The following EPC2 variants were observed in gnomAD, a reference collection of about 807,000 sequenced individuals.
The protein encoded by EPC2 is enhancer of polycomb homolog 2.
In EPC2, 14 loss-of-function variants were observed where a neutral mutation model predicts 92.1. That is an observed-to-expected ratio of 0.15 (90% confidence interval 0.10 to 0.24). The LOEUF (loss-of-function observed/expected upper bound fraction) is 0.24. EPC2 is among the 10% of genes least tolerant of loss of function. EPC2 has a pLI of 1.00. For missense variants in EPC2, 755 were observed against 971.5 expected (o/e 0.78, Z 2.96); for synonymous variants, 340 against 334.7 (o/e 1.02, Z -0.17).
intron 13 of EPC2, 92 bp downstream of exon 13, chr2:148,785,093 G>A (rs1683839237): frequency 1.9e-6 from 2 of 1,032,228 alleles, no homozygotes; most frequent in Non-Finnish European, 2.7e-6. Flanking sequence ...CAAGCAATAG[G>A]TGTTTATTGA....
intron 2 of EPC2, among the ~76,000 whole-genome samples, chr2:148,702,795 T>C (rs1558814188): frequency 6.6e-6 from 1 of 152,002 alleles, no homozygotes; most frequent in South Asian, 2.1e-4. Flanking sequence ...TCCAACCCAA[T>C]TCGTAAACTT....
At chr2:148,664,550 G>A (rs564785696) in intron 1 of EPC2, among the ~76,000 whole-genome samples, 2 of 152,204 alleles carry the variant, frequency 1.3e-5, no homozygotes, top group Non-Finnish European at 2.9e-5. Flanking sequence ...CAGACTGCAC[G>A]TATTTCAAGT....
chr2:148,779,555 C>A (rs1683708911), intron 10 of EPC2, among the ~76,000 whole-genome samples: 1 of 152,098 alleles, frequency 6.6e-6, no homozygotes, highest in African/African-American at 2.4e-5. Context: ...TGCCCTCTAG[C>A]CTGGGCAATA....
intron 2 of EPC2, among the ~76,000 whole-genome samples, chr2:148,723,651 T>C (rs1436704448): frequency 6.6e-6 from 1 of 152,240 alleles, no homozygotes; most frequent in Non-Finnish European, 1.5e-5. Context: ...ACTTCTAAGT[T>C]TCTTCTAAGT....
chr2:148,769,078 A>T, intron 7 of EPC2, 73 bp from the exon 8 acceptor site: 2 of 968,992 alleles, frequency 2.1e-6, no homozygotes, highest in Admixed American at 4.0e-5. Flanking sequence ...GATCAGATTT[A>T]CATTTTAGAG....
chr2:148,785,969 A>G (rs1397972180), intron 13 of EPC2, among the ~76,000 whole-genome samples: 1 of 152,036 alleles, frequency 6.6e-6, no homozygotes, highest in Non-Finnish European at 1.5e-5. Flanking sequence ...TGAGTGTCAT[A>G]TGCTTCATCT....
At chr2:148,749,527 G>A (rs969760745) in intron 3 of EPC2, among the ~76,000 whole-genome samples, 8 of 149,086 alleles carry the variant, frequency 5.4e-5, no homozygotes, top group Non-Finnish European at 1.2e-4. Context: ...ACTTGATACT[G>A]CATTATTGAT....
intron 2 of EPC2, among the ~76,000 whole-genome samples, chr2:148,734,947 C>A (rs1348688570): frequency 3.3e-5 from 5 of 150,560 alleles, no homozygotes; most frequent in African/African-American, 1.2e-4. Context: ...TGAATTGTTT[C>A]TAATTTTTGG....
Position 148,647,619 on chromosome 2 carries a change from C to CT in EPC2, c.153+2476dup, listed in dbSNP as rs55731814. On this transcript the variant is annotated intron_variant, in intron 1 of 13. Coordinates refer to ENST00000258484, the MANE Select transcript of EPC2 (RefSeq NM_015630.4). The stretch of plus-strand genomic sequence containing the variant: ...ACTGCGCCTGGCCGCGCCTTGCAGA[C>CT]TTTTTTTTTTTTTTTTTTTTTTTTT... 6.9e-3 allele frequency among the ~76,000 whole-genome samples: 437 copies of CT among 63,742 alleles called. 4 individuals are homozygous for CT. Among genetic ancestry groups the CT allele is most frequent in the African/African-American group, 0.023 (367 of 15,726 alleles). 41.8% of individuals were successfully genotyped at this position (63,742 alleles called of 152,430 possible).
chr2:148,748,040 C>G (rs970064298), intron 3 of EPC2, among the ~76,000 whole-genome samples: 1 of 152,048 alleles, frequency 6.6e-6, no homozygotes, highest in Non-Finnish European at 1.5e-5. Flanking sequence ...ATGATTGGAT[C>G]GTGAGAGTGG....
At chr2:148,778,958 A>G (rs985792295) in intron 10 of EPC2, among the ~76,000 whole-genome samples, 11 of 152,230 alleles carry the variant, frequency 7.2e-5, no homozygotes, top group African/African-American at 2.7e-4. Context: ...TGGGATCAGA[A>G]ATGAGAATTT....
At chr2:148,663,671 T>C (rs1034999981) in intron 1 of EPC2, among the ~76,000 whole-genome samples, 8 of 146,200 alleles carry the variant, frequency 5.5e-5, no homozygotes, top group African/African-American at 1.5e-4. Flanking sequence ...GGCTTTCTTA[T>C]TCACTCTATA....
At chr2:148,670,328 C>T (rs891852820) in intron 1 of EPC2, among the ~76,000 whole-genome samples, 3 of 151,462 alleles carry the variant, frequency 2.0e-5, no homozygotes, top group Non-Finnish European at 4.4e-5. Flanking sequence ...TGAATTTGGT[C>T]CATGTTAACT....
At chr2:148,674,341 T>TA (rs1241313213) in intron 1 of EPC2, among the ~76,000 whole-genome samples, 6 of 152,142 alleles carry the variant, frequency 3.9e-5, no homozygotes, top group African/African-American at 1.4e-4. Flanking sequence ...GTTTCCAAAG[T>TA]ATGTTGGTTA....
chr2:148,723,822 G>A (rs1682431716), intron 2 of EPC2, among the ~76,000 whole-genome samples: 3 of 152,030 alleles, frequency 2.0e-5, no homozygotes, highest in Non-Finnish European at 2.9e-5. Flanking sequence ...TTCTGATTGA[G>A]ACAATTGGAT....
intron 2 of EPC2, among the ~76,000 whole-genome samples, chr2:148,703,770 G>T (rs1008389038): frequency 3.3e-5 from 5 of 152,166 alleles, no homozygotes; most frequent in African/African-American, 1.2e-4. Flanking sequence ...GGCTCAAGCA[G>T]TCCTCCTGCC....
chr2:148,673,347 A>G (rs1315749151), intron 1 of EPC2, among the ~76,000 whole-genome samples: 2 of 152,134 alleles, frequency 1.3e-5, no homozygotes, highest in East Asian at 1.9e-4. Flanking sequence ...ATTGTATCCC[A>G]TAAGTCCCTT....
chr2:148,730,648 T>C (rs1682599218), intron 2 of EPC2, among the ~76,000 whole-genome samples: 1 of 152,232 alleles, frequency 6.6e-6, no homozygotes, highest in Non-Finnish European at 1.5e-5. Flanking sequence ...TTACAGGCTT[T>C]CGTGATACTT....
At chr2:148,730,517 G>C (rs542256835) in intron 2 of EPC2, among the ~76,000 whole-genome samples, 77 of 152,192 alleles carry the variant, frequency 5.1e-4, no homozygotes, top group Non-Finnish European at 8.8e-4. Flanking sequence ...CGTTAGAAAT[G>C]CACATTAACA....
Sources: gnomAD v4.1 joint callset for allele counts (sites outside exome capture counted in the v4.1 genomes callset) on GRCh38, gnomAD v4.1.1 for gene constraint, MANE v1.5 for transcripts, NCBI Gene and HGNC (gene_info 2026-07-23, HGNC 2026-07-21) for gene names.